The following RTL4 variants were observed in gnomAD, a reference collection of about 807,000 sequenced individuals.
RTL4 encodes the protein retrotransposon Gag-like protein 4.
RTL4 carries 4 observed loss-of-function variants against 5.3 expected under a neutral mutation model. The ratio of observed to expected loss-of-function variants is 0.75; its 90% CI spans 0.37 to 1.72. The LOEUF is 1.72. Among genes scored for constraint, RTL4 ranks in the 40% most tolerant of loss-of-function variants. The pLI, the probability that RTL4 is intolerant of heterozygous loss-of-function variation, is 0.04. For missense variants in RTL4, 260 were observed against 227.1 expected, an observed-to-expected ratio of 1.14 and a Z score of -0.93; for synonymous variants, 98 against 87.3, an observed-to-expected ratio of 1.12 and a Z score of -0.68.
chrX:112,430,987 A>C, the RTL4 span, among the ~76,000 whole-genome samples: 3 of 112,201 alleles, frequency 2.7e-5, no homozygotes, highest in African/African-American at 9.7e-5. Context: ...ATGTAGCAGT[A>C]AGGTGGAGGG....
At chrX:112,130,424 C>A in the RTL4 span, among the ~76,000 whole-genome samples, 2 of 110,002 alleles carry the variant, frequency 1.8e-5, no homozygotes, top group African/African-American at 6.6e-5. Context: ...AGACCCTTTA[C>A]TTTTCCTGAC....
At chrX:112,406,401 A>G in the RTL4 span, among the ~76,000 whole-genome samples, 6 of 111,240 alleles carry the variant, frequency 5.4e-5, no homozygotes, top group African/African-American at 2.0e-4. Flanking sequence ...TCACATGGCC[A>G]GAGCAGGAGG....
At chrX:112,131,217 A>C in the RTL4 span, among the ~76,000 whole-genome samples, 1 of 19,258 alleles carries the variant, frequency 5.2e-5, no homozygotes, top group African/African-American at 1.9e-4. Context: ...GTATGTAAAT[A>C]CCTTTTTTTT....
the RTL4 span, among the ~76,000 whole-genome samples, chrX:112,171,215 T>C: frequency 9.0e-6 from 1 of 111,535 alleles, no homozygotes; most frequent in East Asian, 2.8e-4. Context: ...TTTTCTTTTT[T>C]TGATTGTTGT....
At chrX:112,084,722 A>G in the RTL4 span, among the ~76,000 whole-genome samples, 10 of 110,751 alleles carry the variant, frequency 9.0e-5, no homozygotes, top group African/African-American at 3.3e-4. Context: ...TGAGACTTCC[A>G]CTCCAAGCCC....
the RTL4 span, among the ~76,000 whole-genome samples, chrX:112,379,557 GAGGGGGT>G: frequency 1.8e-5 from 2 of 112,094 alleles, no homozygotes; most frequent in Non-Finnish European, 3.8e-5. Context: ...ATGTTGAATA[GAGGGGGT>G]AATAGCAAAC....
At chrX:112,419,337 CTTTTTTTTTTTTTTTTTTTTTTTTTTTT>C in the RTL4 span, among the ~76,000 whole-genome samples, 1 of 24,375 alleles carries the variant, frequency 4.1e-5, no homozygotes, top group African/African-American at 1.9e-4. Flanking sequence ...TTCCATTCAG[CTTTTTTTTTTTTTTTTTTTTTTTTTTTT>C]TTTTTTTTTT....
chrX:112,314,265 T>G, the RTL4 span, among the ~76,000 whole-genome samples: 77 of 111,079 alleles, frequency 6.9e-4, no homozygotes, highest in Non-Finnish European at 1.3e-3. Flanking sequence ...ATTTAGGAAA[T>G]AAGATAAAAC....
At chrX:112,436,414 T>G in the RTL4 span, among the ~76,000 whole-genome samples, 2 of 111,178 alleles carry the variant, frequency 1.8e-5, no homozygotes, top group Non-Finnish European at 3.8e-5. Flanking sequence ...AATCAATAAT[T>G]TAAAGTTCCA....
chrX:112,114,772 G>A, the RTL4 span, among the ~76,000 whole-genome samples: 1 of 111,292 alleles, frequency 9.0e-6, no homozygotes, highest in Non-Finnish European at 1.9e-5. Flanking sequence ...TAAGTTGAGA[G>A]GTCCTCTTGT....
chrX:112,306,505 G>A, the RTL4 span, among the ~76,000 whole-genome samples: 1 of 111,532 alleles, frequency 9.0e-6, no homozygotes, highest in Admixed American at 9.6e-5. Context: ...TCCATGACCT[G>A]CCCGAGGTCA....
At chrX:112,121,761 G>T in the RTL4 span, among the ~76,000 whole-genome samples, 3 of 111,401 alleles carry the variant, frequency 2.7e-5, no homozygotes, top group Admixed American at 9.6e-5. Context: ...TTTCAGACAT[G>T]CATGGTCTTA....
chrX:112,242,333 G>A, the RTL4 span, among the ~76,000 whole-genome samples: 2 of 111,715 alleles, frequency 1.8e-5, no homozygotes, highest in African/African-American at 6.5e-5. Flanking sequence ...CATGAGCATG[G>A]AATGTAATTC....
the RTL4 span, among the ~76,000 whole-genome samples, chrX:112,091,459 T>G: frequency 3.6e-5 from 4 of 112,094 alleles, no homozygotes; most frequent in Admixed American, 2.8e-4. Flanking sequence ...CTTCTCAAAG[T>G]GTTTTTAAAT....
At chrX:112,420,087 G>A in the RTL4 span, among the ~76,000 whole-genome samples, 2 of 110,446 alleles carry the variant, frequency 1.8e-5, no homozygotes, top group Non-Finnish European at 3.8e-5. Flanking sequence ...TTCTAAGAGA[G>A]GTTTAGAAAT....
the RTL4 span, among the ~76,000 whole-genome samples, chrX:112,190,192 CTTTCTTTCTTTCTTTT>C: frequency 6.1e-5 from 6 of 98,929 alleles, no homozygotes; most frequent in East Asian, 1.8e-3. Context: ...TTCTTTCTTT[CTTTCTTTCTTTCTTTT>C]TTCTATACCT....
the RTL4 span, among the ~76,000 whole-genome samples, chrX:112,404,569 G>T: frequency 3.6e-5 from 4 of 112,507 alleles, no homozygotes; most frequent in Non-Finnish European, 7.5e-5. Flanking sequence ...CCAGCTAGAA[G>T]ATTTGAAGTT....
chrX:112,227,285 G>A, the RTL4 span, among the ~76,000 whole-genome samples: 1 of 112,023 alleles, frequency 8.9e-6, no homozygotes, highest in Non-Finnish European at 1.9e-5. Context: ...AGGAAGGGAT[G>A]AGGTTGGGAT....
At chrX:112,424,198 G>A in the RTL4 span, among the ~76,000 whole-genome samples, 1 of 111,600 alleles carries the variant, frequency 9.0e-6, no homozygotes, top group African/African-American at 3.2e-5. Context: ...ACAACCCCAG[G>A]ACATGCCGGG....
Sources: gnomAD v4.1 joint callset for allele counts (sites outside exome capture counted in the v4.1 genomes callset) on GRCh38, gnomAD v4.1.1 for gene constraint, MANE v1.5 for transcripts, NCBI Gene and HGNC (gene_info 2026-07-23, HGNC 2026-07-21) for gene names.